SIGLECL1: variants seen among roughly 807,000 people sequenced by gnomAD.
The protein encoded by SIGLECL1 is SIGLEC family like 1, also known as SIGLEC family-like protein 1.
SIGLECL1 carries 16 observed loss-of-function variants against 19.1 expected under a neutral mutation model. That is an observed-to-expected ratio of 0.84 (90% confidence interval 0.57 to 1.27). The LOEUF (loss-of-function observed/expected upper bound fraction) is 1.27, where lower values mean the gene tolerates loss of function less well. Among genes scored for constraint, SIGLECL1 ranks in the 50% most tolerant of loss-of-function variants. SIGLECL1 has a pLI of 0.00. For missense variants in SIGLECL1, 210 were observed against 239.4 expected, an observed-to-expected ratio of 0.88 and a Z score of 0.81; for synonymous variants, 89 against 90.4, an observed-to-expected ratio of 0.98 and a Z score of 0.09.
chr19:51,247,799 G>A (rs1322033009), upstream of SIGLECL1, among the ~76,000 whole-genome samples: 2 of 152,210 alleles, frequency 1.3e-5, no homozygotes, highest in Non-Finnish European at 2.9e-5. Context: ...CAGACGGAGG[G>A]AGAGATAGCC....
upstream of SIGLECL1, among the ~76,000 whole-genome samples, chr19:51,248,621 T>C (rs1398094221): frequency 6.6e-6 from 1 of 152,156 alleles, no homozygotes; most frequent in Non-Finnish European, 1.5e-5. Flanking sequence ...AATATAAACT[T>C]AGACACATTA....
intron 1 of SIGLECL1, among the ~76,000 whole-genome samples, chr19:51,261,389 T>C (rs1278912680): frequency 6.6e-6 from 1 of 152,032 alleles, no homozygotes; most frequent in African/African-American, 2.4e-5. Flanking sequence ...CCCAGGTTCA[T>C]GCCATTCTCC....
intron 1 of SIGLECL1, among the ~76,000 whole-genome samples, chr19:51,255,715 GA>G (rs1982760888): frequency 6.6e-6 from 1 of 152,136 alleles, no homozygotes; most frequent in African/African-American, 2.4e-5. Flanking sequence ...AATCATCAGA[GA>G]AATGCAAATT....
Position 51,264,112 on chromosome 19 carries a change from C to A in SIGLECL1, c.22+18C>A. On this transcript the variant is annotated intron_variant, in intron 2 of 5. Coordinates refer to ENST00000601727, the MANE Select transcript of SIGLECL1 (RefSeq NM_001385465.1). Reference sequence around the variant, plus strand: ...ACAGCTGGGTAAGTAAGGTGAGAAGCAGCACTGGAGGTGTGTTTGGAAGCC... The same window carrying A: ...ACAGCTGGGTAAGTAAGGTGAGAAGAAGCACTGGAGGTGTGTTTGGAAGCC... 6.2e-7 allele frequency: 1 copy of A among 1,613,838 alleles called. No individual in the cohort carries two copies. Among genetic ancestry groups the A allele is most frequent in the Non-Finnish European group, 8.5e-7 (1 of 1,179,886 alleles).
At chr19:51,249,974 C>G (rs1485289611), upstream of SIGLECL1, among the ~76,000 whole-genome samples, 3 of 152,100 alleles carry the variant, frequency 2.0e-5, no homozygotes, top group Non-Finnish European at 4.4e-5. Flanking sequence ...AACTTCCTGA[C>G]GTTGCCATGG....
intron 1 of SIGLECL1, among the ~76,000 whole-genome samples, chr19:51,262,266 G>A (rs951909812): frequency 6.6e-6 from 1 of 152,158 alleles, no homozygotes; most frequent in African/African-American, 2.4e-5. Context: ...ACTGACCAAT[G>A]TGGTAGCTAC....
intron 4 of SIGLECL1, 24 bp downstream of exon 4, chr19:51,265,906 C>A: frequency 6.2e-7 from 1 of 1,611,140 alleles, no homozygotes; most frequent in Non-Finnish European, 8.5e-7. Context: ...TTAATATTCA[C>A]CCGCAAGCCT....
chr19:51,258,563 A>G (rs1040568407), intron 1 of SIGLECL1, among the ~76,000 whole-genome samples: 2 of 152,240 alleles, frequency 1.3e-5, no homozygotes, highest in Non-Finnish European at 2.9e-5. Flanking sequence ...AATCGTTAAA[A>G]TGAAAGTGGC....
At chr19:51,268,533 TTC>T (rs1290458733) in intron 5 of SIGLECL1, 36 bp from the exon 6 acceptor site, 1 of 1,612,878 alleles carries the variant, frequency 6.2e-7, no homozygotes, top group Admixed American at 1.7e-5. Flanking sequence ...TGTTCCAACA[TTC>T]TTTTTTCTTT....
intron 1 of SIGLECL1, among the ~76,000 whole-genome samples, chr19:51,255,158 G>A (rs1401266530): frequency 6.6e-6 from 1 of 151,864 alleles, no homozygotes; most frequent in African/African-American, 2.4e-5. Flanking sequence ...TACTCAGGAG[G>A]CTGAGGCACA....
At chr19:51,248,434 TTTCTC>T (rs1337212245), upstream of SIGLECL1, among the ~76,000 whole-genome samples, 22 of 152,196 alleles carry the variant, frequency 1.4e-4, no homozygotes, top group Admixed American at 1.4e-3. Flanking sequence ...GCAGTTTCTC[TTTCTC>T]TTCTCTTCTA....
intron 4 of SIGLECL1, among the ~76,000 whole-genome samples, chr19:51,266,236 G>C (rs961821473): frequency 2.5e-4 from 38 of 152,062 alleles, no homozygotes; most frequent in African/African-American, 8.9e-4. Flanking sequence ...TACAGGTTGA[G>C]TATCTAATCC....
chr19:51,249,593 G>A (rs1982375563), upstream of SIGLECL1, among the ~76,000 whole-genome samples: 1 of 152,340 alleles, frequency 6.6e-6, no homozygotes, highest in South Asian at 2.1e-4. Flanking sequence ...TGTTGTAATA[G>A]GGAGTGGAGG....
chr19:51,255,736 G>A (rs535874169), intron 1 of SIGLECL1, among the ~76,000 whole-genome samples: 9 of 152,190 alleles, frequency 5.9e-5, no homozygotes, highest in Admixed American at 4.6e-4. Context: ...TCAAACCACA[G>A]ATATCACCTT....
rs1281365439 is a variant in SIGLECL1, at chr19:51,257,330, T to C, written c.-191+5785T>C. ...CTGAGGTGGGAAGATTGCTTGAGCC[T>C]GGGAGGTCAAGCCTGCAGTGAACTG... On this transcript the variant is annotated intron_variant, in intron 1 of 5. Transcript: ENST00000601727. Among the ~76,000 whole-genome samples, 3 of 150,936 alleles carry C rather than the reference T, an allele frequency of 2.0e-5. No individual in the cohort carries two copies. In the East Asian group the frequency reaches 5.8e-4, roughly 29 times the overall value.
chr19:51,267,387 GA>G lies in SIGLECL1; in HGVS notation c.428del (p.Lys143ArgfsTer28). On this transcript the variant is annotated frameshift_variant, in exon 5 of 6. Coordinates refer to ENST00000601727, the MANE Select transcript of SIGLECL1 (RefSeq NM_001385465.1). LOFTEE classifies it high-confidence loss of function. The stretch of plus-strand genomic sequence containing the variant: ...TATTTCCTTAGAGTGAAACATATCA[GA>G]AAGAAGCAGGCGAAGAAAGCTGCAG... ...CLLPLIVKHI[R>X]KKQAKKAAAI... The G allele has an allele frequency of 5.0e-6, 8 of 1,612,704 alleles. No homozygotes were observed. Among genetic ancestry groups the G allele is most frequent in the Non-Finnish European group, 5.9e-6 (7 of 1,180,002 alleles).
upstream of SIGLECL1, among the ~76,000 whole-genome samples, chr19:51,250,082 TTC>T (rs1982401357): frequency 2.0e-5 from 3 of 147,782 alleles, no homozygotes; most frequent in African/African-American, 8.0e-5. Flanking sequence ...TTTGGCTGGC[TTC>T]TTTTTTTTTT....
At chr19:51,254,179 A>G (rs1478378618) in intron 1 of SIGLECL1, among the ~76,000 whole-genome samples, 2 of 152,042 alleles carry the variant, frequency 1.3e-5, no homozygotes, top group Non-Finnish European at 2.9e-5. Context: ...TTTTTTTTAA[A>G]TGAATTGGGT....
At chr19:51,246,444 G>A (rs531379794), upstream of SIGLECL1, 4 of 152,256 alleles carry the variant, frequency 2.6e-5, no homozygotes, top group East Asian at 3.9e-4. Flanking sequence ...CAACCTCAAC[G>A]ATATTCATAT....
Sources: gnomAD v4.1 joint callset for allele counts (sites outside exome capture counted in the v4.1 genomes callset) on GRCh38, gnomAD v4.1.1 for gene constraint, MANE v1.5 for transcripts, NCBI Gene and HGNC (gene_info 2026-07-23, HGNC 2026-07-21) for gene names.